Variants in FOXN3 observed in about 807,000 individuals in gnomAD.
The protein encoded by FOXN3 is forkhead box N3.
FOXN3 carries 7 observed loss-of-function variants against 38.4 expected under a neutral mutation model. The ratio of observed to expected loss-of-function variants is 0.18; its 90% CI spans 0.10 to 0.34. The LOEUF is 0.34. FOXN3 is among the 10% of genes least tolerant of loss of function. The probability of loss-of-function intolerance (pLI) is 1.00; values close to 1 mark genes in which losing one functional copy is unlikely to be tolerated. For missense variants in FOXN3, 456 were observed against 613.4 expected (o/e 0.74, Z 2.71); for synonymous variants, 230 against 242.2 (o/e 0.95, Z 0.47).
intron 2 of FOXN3, among the ~76,000 whole-genome samples, chr14:89,383,029 G>GGTTTTTT (rs1890695546): frequency 1.1e-5 from 1 of 92,514 alleles, no homozygotes; most frequent in African/African-American, 4.1e-5. Context: ...TTTGGGTGGT[G>GGTTTTTT]TTTTTTTTTT....
rs183503330 is a variant in FOXN3 at position 89,447,455 on chromosome 14, A to G, written c.-14-34965T>C. On this transcript the variant is annotated intron_variant, in intron 1 of 6. Transcript: ENST00000345097. ...GTTTTAATGAAAAACTGAGGGCTAGACTCAAAGTTCACTCTGATATCCAGC... is the reference window on the plus strand; with the variant it reads ...GTTTTAATGAAAAACTGAGGGCTAGGCTCAAAGTTCACTCTGATATCCAGC... 5.5e-4 allele frequency among the ~76,000 whole-genome samples: 83 copies of G among 152,180 alleles called. 1 individual carries two copies. The highest frequency in any genetic ancestry group is 1.9e-3 in the African/African-American group (79 of 41,508).
intron 4 of FOXN3, among the ~76,000 whole-genome samples, chr14:89,181,288 C>A (rs989640506): frequency 2.0e-5 from 3 of 152,114 alleles, no homozygotes; most frequent in African/African-American, 4.8e-5. Flanking sequence ...TCAGTCAGAA[C>A]CTAACAACAA....
intron 1 of FOXN3, among the ~76,000 whole-genome samples, chr14:89,505,412 T>C (rs1254852518): frequency 1.3e-5 from 2 of 152,022 alleles, no homozygotes; most frequent in Non-Finnish European, 2.9e-5. Context: ...GTGCCTGCGA[T>C]TGCAGGCGCG....
chr14:89,540,284 G>T (rs1894768581), intron 1 of FOXN3, among the ~76,000 whole-genome samples: 1 of 152,188 alleles, frequency 6.6e-6, no homozygotes, highest in Non-Finnish European at 1.5e-5. Flanking sequence ...GAAAACAGAT[G>T]CTTTACCTAG....
chr14:89,197,960 A>T (rs1400062818), intron 4 of FOXN3, among the ~76,000 whole-genome samples: 1 of 152,094 alleles, frequency 6.6e-6, no homozygotes, highest in Non-Finnish European at 1.5e-5. Context: ...ATTTTCTCTA[A>T]CTCTGCATGA....
chr14:89,269,893 T>G (rs1886095330), intron 4 of FOXN3, among the ~76,000 whole-genome samples: 1 of 152,184 alleles, frequency 6.6e-6, no homozygotes, highest in South Asian at 2.1e-4. Flanking sequence ...AACCCATAAA[T>G]ATCCCCGAGC....
chr14:89,251,900 C>T (rs1236212295), intron 4 of FOXN3, among the ~76,000 whole-genome samples: 1 of 152,226 alleles, frequency 6.6e-6, no homozygotes, highest in Non-Finnish European at 1.5e-5. Flanking sequence ...CACAAACATG[C>T]TCAACCTTAT....
At chr14:89,295,587 T>C (rs80068454) in intron 3 of FOXN3, among the ~76,000 whole-genome samples, 1 of 151,902 alleles carries the variant, frequency 6.6e-6, no homozygotes, top group African/African-American at 2.4e-5. Context: ...ATTTTTTTTT[T>C]CCTTTTTTTT....
intron 1 of FOXN3, among the ~76,000 whole-genome samples, chr14:89,464,276 A>G (rs1596284662): frequency 6.6e-6 from 1 of 152,142 alleles, no homozygotes; most frequent in Admixed American, 6.5e-5. Flanking sequence ...TAGACCTGGG[A>G]GTCCCTAAGC....
intron 2 of FOXN3, among the ~76,000 whole-genome samples, chr14:89,356,785 G>C (rs1179424063): frequency 6.6e-6 from 1 of 152,132 alleles, no homozygotes; most frequent in Non-Finnish European, 1.5e-5. Context: ...ACAAAAAGGA[G>C]ACCGACCTCC....
intron 4 of FOXN3, among the ~76,000 whole-genome samples, chr14:89,222,394 C>T (rs531144855): frequency 2.6e-5 from 4 of 152,186 alleles, no homozygotes; most frequent in East Asian, 3.9e-4. Context: ...AATGGAAAGA[C>T]GCTTACATAT....
At chr14:89,521,358 T>G (rs867979724) in intron 1 of FOXN3, among the ~76,000 whole-genome samples, 16 of 124,954 alleles carry the variant, frequency 1.3e-4, no homozygotes, top group South Asian at 8.6e-4. Flanking sequence ...AGATGATAGA[T>G]AGAGAGAGAG....
intron 1 of FOXN3, among the ~76,000 whole-genome samples, chr14:89,539,684 T>G (rs1894758793): frequency 1.3e-5 from 2 of 152,064 alleles, no homozygotes; most frequent in Admixed American, 1.3e-4. Context: ...GGTAAGTAGG[T>G]GTATTTATTG....
At chr14:89,251,067 T>C (rs989198291) in intron 4 of FOXN3, among the ~76,000 whole-genome samples, 2 of 152,224 alleles carry the variant, frequency 1.3e-5, no homozygotes, top group Non-Finnish European at 2.9e-5. Flanking sequence ...AAAATTATCT[T>C]GGCCAAGAAA....
At chr14:89,509,486 C>T (rs1376564796) in intron 1 of FOXN3, among the ~76,000 whole-genome samples, 1 of 152,202 alleles carries the variant, frequency 6.6e-6, no homozygotes, top group Non-Finnish European at 1.5e-5. Context: ...AGGTGCCCAC[C>T]ACCACGCCTG....
At chr14:89,354,857 A>AAAATAAAT (rs574717535) in intron 2 of FOXN3, among the ~76,000 whole-genome samples, 2,586 of 151,882 alleles carry the variant, frequency 0.017, 20 homozygotes, top group South Asian at 0.034. Flanking sequence ...TCCGTCTCAA[A>AAAATAAAT]AAATAAATAA....
chr14:89,587,227 A>G (rs1017546547), intron 1 of FOXN3, among the ~76,000 whole-genome samples: 1 of 152,246 alleles, frequency 6.6e-6, no homozygotes, highest in African/African-American at 2.4e-5. Context: ...GCCCACCCAC[A>G]TTATGGGGGG....
In FOXN3 at chr14:89,268,085, G is replaced by GCTA. The variant is rs1488102266; in HGVS notation, c.745+12862_745+12864dup. On this transcript the variant is annotated intron_variant, in intron 4 of 5. Coordinates refer to ENST00000557258, the MANE Select transcript of FOXN3 (RefSeq NM_005197.4). ...ATATATGCACCTACACACACATACAGCTACACATTAATTTACACATATACA... is the reference window on the plus strand; with the variant it reads ...ATATATGCACCTACACACACATACAGCTACTACACATTAATTTACACATATACA... 2.0e-5 allele frequency among the ~76,000 whole-genome samples: 3 copies of GCTA among 152,140 alleles called. No individual in the cohort carries two copies. In the East Asian group the frequency reaches 5.8e-4, roughly 29 times the overall value.
intron 1 of FOXN3, among the ~76,000 whole-genome samples, chr14:89,592,287 G>T (rs1198295547): frequency 6.6e-6 from 1 of 152,008 alleles, no homozygotes; most frequent in Admixed American, 6.6e-5. Context: ...GGGGGGAGAA[G>T]GGTTTAAAAC....
Sources: allele counts gnomAD v4.1 joint callset (sites outside exome capture counted in the v4.1 genomes callset), GRCh38; gene constraint gnomAD v4.1.1; transcripts MANE v1.5; gene names NCBI Gene and HGNC (gene_info 2026-07-23, HGNC 2026-07-21).